The following USP32 variants were observed in gnomAD, a reference collection of about 807,000 sequenced individuals.
USP32 encodes the protein ubiquitin specific peptidase 32, also known as ubiquitin carboxyl-terminal hydrolase 32.
USP32 carries 59 observed loss-of-function variants against 204.8 expected under a neutral mutation model. The ratio of observed to expected loss-of-function variants is 0.29; its 90% CI spans 0.23 to 0.36. The LOEUF is 0.36. Among genes scored for constraint, USP32 ranks in the 10% least tolerant of loss-of-function variants. The pLI is 1.00. For synonymous variants in USP32, 517 were observed against 678.4 expected, an observed-to-expected ratio of 0.76 and a Z score of 3.70; for missense variants, 1,160 against 1,946.4, an observed-to-expected ratio of 0.60 and a Z score of 7.60.
chr17:60,315,358 C>T (rs1252192564), intron 2 of USP32, among the ~76,000 whole-genome samples: 1 of 152,086 alleles, frequency 6.6e-6, no homozygotes, highest in African/African-American at 2.4e-5. Context: ...CGAGATCACG[C>T]CACTGCACTC....
chr17:60,378,643 T>C (rs1311843395), intron 1 of USP32, among the ~76,000 whole-genome samples: 1 of 152,154 alleles, frequency 6.6e-6, no homozygotes, highest in Admixed American at 6.5e-5. Flanking sequence ...TACTACAACA[T>C]GGATAAACCT....
At chr17:60,258,702 TC>T (rs1279871261) in intron 9 of USP32, among the ~76,000 whole-genome samples, 1 of 152,232 alleles carries the variant, frequency 6.6e-6, no homozygotes. Flanking sequence ...TGTTTTACAG[TC>T]ATATTCTGGC....
At chr17:60,392,416 C>T (rs192869075), upstream of USP32, 183 of 247,596 alleles carry the variant, frequency 7.4e-4, no homozygotes, top group African/African-American at 3.6e-3. Flanking sequence ...ATCGCAGCCG[C>T]GCGCCCCGCC....
intron 14 of USP32, 75 bp downstream of exon 14, chr17:60,223,336 G>A: frequency 1.5e-6 from 2 of 1,332,028 alleles, no homozygotes; most frequent in African/African-American, 2.9e-5. Context: ...TTTGCTATGT[G>A]CTAAAACCTC....
chr17:60,382,028 C>T (rs1364913617), intron 1 of USP32, among the ~76,000 whole-genome samples: 1 of 152,174 alleles, frequency 6.6e-6, no homozygotes, highest in Non-Finnish European at 1.5e-5. Flanking sequence ...AAATTTTATG[C>T]ATCTTCTCTG....
intron 5 of USP32, among the ~76,000 whole-genome samples, chr17:60,276,638 T>C (rs2145807814): frequency 6.6e-6 from 1 of 152,300 alleles, no homozygotes; most frequent in South Asian, 2.1e-4. Flanking sequence ...TCTGATTAAT[T>C]GGTGTTTACA....
intron 10 of USP32, among the ~76,000 whole-genome samples, chr17:60,254,229 G>A (rs193087533): frequency 1.3e-5 from 2 of 152,316 alleles, no homozygotes; most frequent in African/African-American, 4.8e-5. Flanking sequence ...ATCAGAGCGA[G>A]GGAATTAGTT....
At chr17:60,414,917 C>G (rs1216969616) in intron 1 of USP32, among the ~76,000 whole-genome samples, 1 of 150,984 alleles carries the variant, frequency 6.6e-6, no homozygotes, top group Non-Finnish European at 1.5e-5. Flanking sequence ...GTGGTGCAAT[C>G]TCAGCTAGCT....
chr17:60,184,240 A>C (rs971058071), intron 30 of USP32, among the ~76,000 whole-genome samples: 3 of 150,918 alleles, frequency 2.0e-5, no homozygotes, highest in Non-Finnish European at 4.4e-5. Flanking sequence ...GCATGAACCC[A>C]GGAGGTGAGG....
At chr17:60,210,434 C>T (rs1457766610) in intron 21 of USP32, among the ~76,000 whole-genome samples, 2 of 152,064 alleles carry the variant, frequency 1.3e-5, no homozygotes, top group African/African-American at 4.8e-5. Context: ...GCCTCAGCCT[C>T]CCAAGTAGCT....
At chr17:60,195,999 C>A (rs1598045508) in intron 27 of USP32, among the ~76,000 whole-genome samples, 2 of 152,218 alleles carry the variant, frequency 1.3e-5, no homozygotes, top group Admixed American at 1.3e-4. Context: ...GGGCCGGGTG[C>A]AGCAGCTCAC....
At chr17:60,296,234 CT>C (rs1227894919) in intron 3 of USP32, among the ~76,000 whole-genome samples, 2 of 152,108 alleles carry the variant, frequency 1.3e-5, no homozygotes, top group African/African-American at 4.8e-5. Context: ...CTTTATCCCC[CT>C]AAAGATATAC....
chr17:60,331,735 C>CA (rs2088389960), intron 2 of USP32, among the ~76,000 whole-genome samples: 1 of 140,724 alleles, frequency 7.1e-6, no homozygotes, highest in African/African-American at 2.7e-5. Context: ...CACAGCAAAA[C>CA]AAAAAAATAC....
At chr17:60,181,920 G>A (rs1483608842) in intron 31 of USP32, among the ~76,000 whole-genome samples, 172 bp from the exon 32 acceptor site, 1 of 152,102 alleles carries the variant, frequency 6.6e-6, no homozygotes, top group African/African-American at 2.4e-5. Context: ...TTACATTTTT[G>A]TCTTCTTCAA....
At position 60,391,890 on chromosome 17, in the gene USP32, A is replaced by C. The variant is rs1390950599; in HGVS notation, c.50T>G (p.Leu17Arg). ...RIGFLSYEEA[L>R]RRVTDVELKR... ...GACCCCTCCCCCCTCACCTCTCCTC[A>C]GCGCCTCCTCGTAGCTGAGGAATCC... Residue 17 changes from leucine to arginine, a missense_variant, in exon 1 of 34, where the codon CTG becomes CGG. Transcript: ENST00000300896. 5.7e-6 allele frequency: 9 copies of C among 1,590,942 alleles called. No homozygotes were observed. Among genetic ancestry groups the C allele is most frequent in the Non-Finnish European group, 7.7e-6 (9 of 1,171,970 alleles).
intron 27 of USP32, among the ~76,000 whole-genome samples, chr17:60,195,121 CT>C (rs2084478922): frequency 6.6e-6 from 1 of 152,192 alleles, no homozygotes; most frequent in Non-Finnish European, 1.5e-5. Flanking sequence ...GCCTGGCTAT[CT>C]TTTTTAATGT....
intron 9 of USP32, among the ~76,000 whole-genome samples, chr17:60,263,639 G>A (rs1160771669): frequency 6.6e-6 from 1 of 152,270 alleles, no homozygotes; most frequent in Middle Eastern, 3.4e-3. Context: ...TAGAAAAAAG[G>A]TGTTCAAAAT....
intron 4 of USP32, among the ~76,000 whole-genome samples, chr17:60,292,524 T>C (rs959018133): frequency 2.0e-5 from 3 of 152,190 alleles, no homozygotes; most frequent in African/African-American, 7.2e-5. Context: ...GGCTAAATAC[T>C]AATCATCTTC....
Position 60,185,630 on chromosome 17 carries a change from C to T in USP32, c.3664G>A (p.Val1222Met), listed in dbSNP as rs1341459131. 2 of 1,611,398 alleles carry T rather than the reference C, an allele frequency of 1.2e-6. No individual in the cohort carries two copies. Among genetic ancestry groups the T allele is most frequent in the South Asian group, 1.1e-5 (1 of 90,966 alleles). Residue 1222 changes from valine (V) to methionine (M), a missense_variant, in exon 30 of 34, where the codon GTG (valine) becomes ATG (methionine). Physicochemically the swap from Val to Met is conservative, Grantham distance 21 (BLOSUM62 1). Transcript: ENST00000300896. ...QERVVDEHES[V>M]EQSRRAQAEP... ...GCTTGCGCTCGCCGACTCTGCTCCACACTCTCATGCTCATCTACAACCTGC... is the reference window on the plus strand; with the variant it reads ...GCTTGCGCTCGCCGACTCTGCTCCATACTCTCATGCTCATCTACAACCTGC...
Sources: allele counts gnomAD v4.1 joint callset (sites outside exome capture counted in the v4.1 genomes callset), GRCh38; gene constraint gnomAD v4.1.1; transcripts MANE v1.5; gene names NCBI Gene and HGNC (gene_info 2026-07-23, HGNC 2026-07-21).